The following ATP2B2 variants were observed in gnomAD, a reference collection of about 807,000 sequenced individuals.
ATP2B2 encodes plasma membrane calcium-transporting ATPase 2.
In ATP2B2, 15 loss-of-function variants were observed where a neutral mutation model predicts 120.0. The observed-to-expected ratio is 0.12, with a 90% confidence interval of 0.08 to 0.19. The LOEUF is 0.19. ATP2B2 is among the 10% of genes least tolerant of loss of function. ATP2B2 has a pLI of 1.00. For synonymous variants in ATP2B2, 694 were observed against 700.3 expected (o/e 0.99, Z 0.14); for missense variants, 1,045 against 1,719.8 (o/e 0.61, Z 6.94).
intron 2 of ATP2B2, among the ~76,000 whole-genome samples, chr3:10,610,273 G>A (rs1162337514): frequency 6.6e-6 from 1 of 151,738 alleles, no homozygotes; most frequent in African/African-American, 2.4e-5. Context: ...CGAAGGGCAT[G>A]AGCCTTTCTT....
chr3:10,675,453 T>C (rs1055836411), intron 1 of ATP2B2, among the ~76,000 whole-genome samples: 2 of 152,218 alleles, frequency 1.3e-5, no homozygotes, highest in South Asian at 4.1e-4. Flanking sequence ...TGGTATATTA[T>C]TTTCACAGGA....
intron 3 of ATP2B2, among the ~76,000 whole-genome samples, chr3:10,529,930 G>A (rs748447783): frequency 2.0e-5 from 3 of 152,156 alleles, no homozygotes; most frequent in African/African-American, 7.2e-5. Context: ...GATGGCCGGC[G>A]AACCACTGGA....
At chr3:10,455,544 T>C (rs2064222809) in intron 1 of ATP2B2, among the ~76,000 whole-genome samples, 2 of 152,182 alleles carry the variant, frequency 1.3e-5, no homozygotes, top group Admixed American at 6.5e-5. Flanking sequence ...GAGCAGAAAA[T>C]GAAACACTGG....
chr3:10,488,233 C>CCA (rs879600552), intron 1 of ATP2B2, among the ~76,000 whole-genome samples: 14,933 of 104,216 alleles, frequency 0.14, 1,100 homozygotes, highest in South Asian at 0.18. Flanking sequence ...ACTCATCCAC[C>CCA]TATCCATCCA....
intron 2 of ATP2B2, among the ~76,000 whole-genome samples, chr3:10,568,770 G>A (rs1412371780): frequency 6.6e-6 from 1 of 152,162 alleles, no homozygotes; most frequent in African/African-American, 2.4e-5. Flanking sequence ...CAGACCTATA[G>A]CCGTGTCTTT....
chr3:10,345,718 C>G, intron 17 of ATP2B2, 143 bp from the exon 18 acceptor site: 1 of 804,434 alleles, frequency 1.2e-6, no homozygotes, highest in Non-Finnish European at 2.0e-6. Flanking sequence ...AGGGACACCC[C>G]ACTCTTCACG....
intron 1 of ATP2B2, among the ~76,000 whole-genome samples, chr3:10,696,516 C>T (rs2071744207): frequency 6.6e-6 from 1 of 152,202 alleles, no homozygotes; most frequent in African/African-American, 2.4e-5. Context: ...CTCCAAATGG[C>T]CTGGCGCAGG....
chr3:10,636,874 C>T (rs532407203), intron 1 of ATP2B2, among the ~76,000 whole-genome samples: 1 of 152,266 alleles, frequency 6.6e-6, no homozygotes, highest in East Asian at 1.9e-4. Context: ...TGCAGAGGGT[C>T]ACTCTTGAGT....
At chr3:10,683,760 G>GTATGTATATATA in intron 1 of ATP2B2, among the ~76,000 whole-genome samples, 1 of 53,914 alleles carries the variant, frequency 1.9e-5, no homozygotes, top group African/African-American at 5.6e-5. Flanking sequence ...GTGTGTGTGT[G>GTATGTATATATA]TATATATATA....
In ATP2B2 at chr3:10,355,903, C is replaced by G. The variant is rs1166833831; in HGVS notation, c.2136+2788G>C. On this transcript the variant is annotated intron_variant, in intron 14 of 22. Transcript: ENST00000360273. The stretch of plus-strand genomic sequence containing the variant: ...CCTGGCTAACACGGTGAAACCCCGT[C>G]TCTACTAAAAAAATACAAAAAATTA... Among the ~76,000 whole-genome samples the G allele has an allele frequency of 1.5e-3, 114 of 75,054 alleles. 42 individuals carry two copies. The East Asian group carries it at 0.17, about 114-fold the overall frequency. The allele number at this position is 75,054 out of a possible 152,430, so 49.2% of individuals were successfully genotyped here.
At chr3:10,414,535 G>A (rs1321245485) in intron 2 of ATP2B2, among the ~76,000 whole-genome samples, 7 of 152,314 alleles carry the variant, frequency 4.6e-5, no homozygotes, top group Non-Finnish European at 2.9e-5. Context: ...CTGCTTCTCA[G>A]CTCCTGTGGG....
chr3:10,461,503 T>C (rs1026976343), intron 1 of ATP2B2, among the ~76,000 whole-genome samples: 2 of 152,200 alleles, frequency 1.3e-5, no homozygotes, highest in African/African-American at 2.4e-5. Context: ...CTTCCTCTCC[T>C]GATAAAGTCT....
At chr3:10,512,500 A>ATG (rs2066791344) in intron 3 of ATP2B2, among the ~76,000 whole-genome samples, 1 of 150,408 alleles carries the variant, frequency 6.6e-6, no homozygotes, top group African/African-American at 2.5e-5. Flanking sequence ...ACACACACAC[A>ATG]CACACACACA....
At chr3:10,654,418 CAG>C (rs937941185) in intron 1 of ATP2B2, among the ~76,000 whole-genome samples, 5 of 152,026 alleles carry the variant, frequency 3.3e-5, no homozygotes, top group Admixed American at 2.6e-4. Context: ...GAGGAGACAA[CAG>C]AGTTTCCAGG....
chr3:10,355,385 T>C (rs3774179), intron 14 of ATP2B2, among the ~76,000 whole-genome samples: 19,921 of 152,088 alleles, frequency 0.13, 1,665 homozygotes, highest in South Asian at 0.21. Context: ...TATATAGACA[T>C]CCCAGGGGTG....
At chr3:10,479,685 C>T (rs937178178) in intron 1 of ATP2B2, among the ~76,000 whole-genome samples, 3 of 152,136 alleles carry the variant, frequency 2.0e-5, no homozygotes, top group African/African-American at 7.2e-5. Context: ...TCTACGTTTT[C>T]ATCACTACTG....
intron 1 of ATP2B2, among the ~76,000 whole-genome samples, chr3:10,458,880 G>T (rs908851249): frequency 4.6e-5 from 7 of 152,216 alleles, no homozygotes; most frequent in Non-Finnish European, 1.0e-4. Flanking sequence ...GCATCCCCTT[G>T]TCCTTCAACA....
At chr3:10,655,079 T>A (rs529030625) in intron 1 of ATP2B2, among the ~76,000 whole-genome samples, 1 of 152,230 alleles carries the variant, frequency 6.6e-6, no homozygotes, top group South Asian at 2.1e-4. Flanking sequence ...AACTAGTCAA[T>A]AAAAGCACAT....
chr3:10,513,272 A>G (rs1396031218), intron 3 of ATP2B2, among the ~76,000 whole-genome samples: 1 of 152,120 alleles, frequency 6.6e-6, no homozygotes, highest in African/African-American at 2.4e-5. Flanking sequence ...AGTAGGTAAG[A>G]GGAGAGGCAG....
Sources: allele counts gnomAD v4.1 joint callset (sites outside exome capture counted in the v4.1 genomes callset), GRCh38; gene constraint gnomAD v4.1.1; transcripts MANE v1.5; gene names NCBI Gene and HGNC (gene_info 2026-07-23, HGNC 2026-07-21).